Variants in NAA25 observed in about 807,000 individuals in gnomAD.
The protein encoded by NAA25 is N-alpha-acetyltransferase 25, NatB auxiliary subunit.
Under a neutral mutation model 132.5 loss-of-function variants are expected in NAA25, and 30 were observed. The ratio of observed to expected loss-of-function variants is 0.23; its 90% CI spans 0.17 to 0.31. The LOEUF (loss-of-function observed/expected upper bound fraction) is 0.31, where lower values mean the gene tolerates loss of function less well. Ranked by LOEUF, NAA25 falls within the 10% of genes least tolerant of loss-of-function variation. The probability of loss-of-function intolerance (pLI) is 1.00; values close to 1 mark genes in which losing one functional copy is unlikely to be tolerated. For synonymous variants in NAA25, 359 were observed against 401.9 expected (o/e 0.89, Z 1.28); for missense variants, 771 against 1,150.4 (o/e 0.67, Z 4.77).
At chr12:112,051,484 C>T (rs1214542791) in intron 15 of NAA25, among the ~76,000 whole-genome samples, 5 of 152,180 alleles carry the variant, frequency 3.3e-5, no homozygotes, top group Admixed American at 3.3e-4. Flanking sequence ...GCTTGGATTA[C>T]AAGCGTGAGC....
intron 1 of NAA25, among the ~76,000 whole-genome samples, chr12:112,096,418 TTACTA>T (rs2079213474): frequency 6.6e-6 from 1 of 152,198 alleles, no homozygotes; most frequent in Admixed American, 6.5e-5. Context: ...AACTTTCATT[TTACTA>T]TACTAAATTT....
intron 15 of NAA25, 28 bp from the exon 16 acceptor site, chr12:112,048,471 TA>T: frequency 6.2e-7 from 1 of 1,602,514 alleles, no homozygotes; most frequent in Non-Finnish European, 8.5e-7. Flanking sequence ...CACCTTGGTA[TA>T]AATAGTTCAC....
chr12:112,079,571 GA>G (rs760605292), intron 5 of NAA25, among the ~76,000 whole-genome samples: 1,801 of 134,406 alleles, frequency 0.013, 38 homozygotes, highest in African/African-American at 0.046. Context: ...TTGGACAACA[GA>G]AAAAAAAAAA....
intron 21 of NAA25, chr12:112,040,191 G>A (rs1041288108): frequency 4.0e-6 from 1 of 249,114 alleles, no homozygotes; most frequent in African/African-American, 2.3e-5. Flanking sequence ...TAAAGAGTGA[G>A]TCAGAAAGGA....
intron 22 of NAA25, among the ~76,000 whole-genome samples, chr12:112,037,271 A>AATAC (rs1347993103): frequency 6.9e-4 from 52 of 75,518 alleles, no homozygotes; most frequent in East Asian, 2.1e-3. Context: ...TATTTTAAAA[A>AATAC]ATACATATAT....
intron 1 of NAA25, among the ~76,000 whole-genome samples, chr12:112,102,538 T>A (rs1360433979): frequency 6.6e-6 from 1 of 152,238 alleles, no homozygotes; most frequent in African/African-American, 2.4e-5. Flanking sequence ...GTTGTTTGTT[T>A]GAATTATTCA....
At position 112,043,308 on chromosome 12, in the gene NAA25, C is replaced by T. The variant is rs529991727; in HGVS notation, c.2251-97G>A. The T allele has an allele frequency of 1.3e-4, 168 of 1,311,376 alleles. No individual in the cohort carries two copies. The African/African-American group carries it at 2.3e-3, about 18-fold the overall frequency. 81.2% of individuals were successfully genotyped at this position (1,311,376 alleles called of 1,614,324 possible). On this transcript the variant is annotated intron_variant, in intron 18 of 23. Coordinates refer to ENST00000261745, the MANE Select transcript of NAA25 (RefSeq NM_024953.4). ...ACTAGTAGATAAAAACCTGTCTCAGCGGTTCAGCTAAAAGCCACTAATCAG... is the reference window on the plus strand; with the variant it reads ...ACTAGTAGATAAAAACCTGTCTCAGTGGTTCAGCTAAAAGCCACTAATCAG...
At chr12:112,065,504 A>C (rs1477268444) in intron 11 of NAA25, 1 of 151,960 alleles carries the variant, frequency 6.6e-6, no homozygotes, top group African/African-American at 2.4e-5. Context: ...TCTCAAAAAA[A>C]AAAAAAAAAT....
At chr12:112,105,120 G>C (rs1361812886) in intron 1 of NAA25, among the ~76,000 whole-genome samples, 1 of 151,846 alleles carries the variant, frequency 6.6e-6, no homozygotes, top group Non-Finnish European at 1.5e-5. Flanking sequence ...AGGAGTTCGA[G>C]ACCAGCCTGA....
At chr12:112,092,951 C>G (rs2079157797) in intron 2 of NAA25, 100 bp downstream of exon 2, 1 of 759,390 alleles carries the variant, frequency 1.3e-6, no homozygotes, top group African/African-American at 1.8e-5. Context: ...ACTGGGATTA[C>G]AGGCTTGAGC....
intron 1 of NAA25, among the ~76,000 whole-genome samples, chr12:112,100,441 G>T (rs1430093200): frequency 6.6e-6 from 1 of 151,932 alleles, no homozygotes; most frequent in Non-Finnish European, 1.5e-5. Context: ...GATTACAGGC[G>T]TGAGCCACCA....
At position 112,054,530 on chromosome 12, in the gene NAA25, C is replaced by T. The variant is rs2136840709; in HGVS notation, c.1486G>A (p.Glu496Lys). The part of the protein sequence containing the change: ...TTVWQALTLL[E>K]EGLTHSPSNA... ...GAAGGGCTATGGGTTAATCCCTCTT[C>T]CAGCAAAGTCAGGGCCTGCCACACA... is the stretch of plus-strand genomic sequence containing the variant. The change falls in exon 14 of 24, where the codon GAA becomes AAA. Residue 496 changes from glutamate (E) to lysine (K), a missense_variant. By Grantham distance (56) the Glu-to-Lys change is moderately conservative. This residue lies in a region of NAA25 where 417 missense variants were observed against 733.8 expected (regional missense o/e 0.57). Transcript: ENST00000261745. 1 of 1,614,038 alleles carries T rather than the reference C, an allele frequency of 6.2e-7. No homozygotes were observed. Among genetic ancestry groups the T allele is most frequent in the Non-Finnish European group, 8.5e-7 (1 of 1,179,986 alleles).
rs937993523 is a variant in NAA25, at chr12:112,049,861, A to G, written c.1729-1418T>C. ...TGTAATAGGAACTTACAGCTGGGGA[A>G]AAAAAAACAGCTGGTTAGGAACACA... On this transcript the variant is annotated intron_variant, in intron 15 of 23. Coordinates refer to ENST00000261745, the MANE Select transcript of NAA25 (RefSeq NM_024953.4). The surrounding 1 kb of genome is among the most constrained non-coding windows in gnomAD (Gnocchi z 4.7). 1.3e-5 allele frequency among the ~76,000 whole-genome samples: 2 copies of G among 152,110 alleles called. No homozygotes were observed. Among genetic ancestry groups the G allele is most frequent in the Non-Finnish European group, 2.9e-5 (2 of 68,004 alleles).
intron 22 of NAA25, among the ~76,000 whole-genome samples, chr12:112,036,488 A>T (rs1055723634): frequency 6.6e-6 from 1 of 152,186 alleles, no homozygotes; most frequent in African/African-American, 2.4e-5. Context: ...GGAATGAGGG[A>T]AAGAGTGGAA....
chr12:112,037,644 C>T (rs2078243215), intron 22 of NAA25: 1 of 134,580 alleles, frequency 7.4e-6, no homozygotes, highest in Non-Finnish European at 1.7e-5. Flanking sequence ...AATAATGGGA[C>T]ACAACAACAT....
At chr12:112,039,463 A>C in intron 21 of NAA25, 124 bp from the exon 22 acceptor site, 1 of 594,106 alleles carries the variant, frequency 1.7e-6, no homozygotes, top group Non-Finnish European at 3.0e-6. Context: ...TCAATTTCTC[A>C]TGTGAATCTC....
At chr12:112,088,423 C>G (rs979436638) in intron 3 of NAA25, among the ~76,000 whole-genome samples, 5 of 143,574 alleles carry the variant, frequency 3.5e-5, no homozygotes, top group African/African-American at 1.3e-4. Context: ...ACCTTTCAAG[C>G]TCAGGTAATT....
chr12:112,063,709 G>A (rs903790125), intron 11 of NAA25, among the ~76,000 whole-genome samples: 1 of 151,984 alleles, frequency 6.6e-6, no homozygotes, highest in Non-Finnish European at 1.5e-5. Context: ...TTACACAGAA[G>A]GGCACCAATA....
chr12:112,061,729 A>G (rs528178561), intron 11 of NAA25, among the ~76,000 whole-genome samples: 2 of 152,314 alleles, frequency 1.3e-5, no homozygotes, highest in East Asian at 3.9e-4. Context: ...AGCAATGAAA[A>G]CATTAGGAAG....
Sources: gnomAD v4.1 joint callset for allele counts (sites outside exome capture counted in the v4.1 genomes callset) on GRCh38, gnomAD v4.1.1 for gene constraint, gnomAD v4.1.1 regional missense constraint, Gnocchi (gnomAD v3.1) non-coding constraint, MANE v1.5 for transcripts, NCBI Gene and HGNC (gene_info 2026-07-23, HGNC 2026-07-21) for gene names.